The following GABRE variants were observed in gnomAD, a reference collection of about 807,000 sequenced individuals.
The protein encoded by GABRE is gamma-aminobutyric acid receptor subunit epsilon.
In GABRE, 20 loss-of-function variants were observed where a neutral mutation model predicts 31.0. That is an observed-to-expected ratio of 0.64 (90% CI 0.45 to 0.94). The LOEUF (loss-of-function observed/expected upper bound fraction) is 0.94. Ranked by LOEUF, GABRE falls within the 40% of genes least tolerant of loss-of-function variation. The pLI is 0.00. For missense variants in GABRE, 420 were observed against 410.7 expected, an observed-to-expected ratio of 1.02 and a Z score of -0.20; for synonymous variants, 155 against 150.6, an observed-to-expected ratio of 1.03 and a Z score of -0.21.
At chrX:151,957,243 G>A (rs1052148603) in intron 6 of GABRE, 1 of 224,059 alleles carries the variant, frequency 4.5e-6, no homozygotes, top group Non-Finnish European at 8.3e-6. Context: ...AGGTCTGGGT[G>A]GGCTGGAGCT....
At chrX:151,957,745 T>G in intron 6 of GABRE, 1 of 222,448 alleles carries the variant, frequency 4.5e-6, no homozygotes, top group South Asian at 5.6e-5. Context: ...ACAATATATC[T>G]GGGGCTGATG....
intron 3 of GABRE, among the ~76,000 whole-genome samples, chrX:151,963,895 C>T (rs759421359): frequency 1.8e-5 from 2 of 112,167 alleles, no homozygotes; most frequent in African/African-American, 3.2e-5. Flanking sequence ...CTTAGGCAAA[C>T]GATAAGACAA....
At chrX:151,961,920 G>A (rs954295430) in intron 4 of GABRE, among the ~76,000 whole-genome samples, 1 of 111,961 alleles carries the variant, frequency 8.9e-6, no homozygotes, top group Non-Finnish European at 1.9e-5. Flanking sequence ...AACTTCGATC[G>A]GCTTTTGTTT....
At chrX:151,957,554 A>G in intron 6 of GABRE, 1 of 302,753 alleles carries the variant, frequency 3.3e-6, no homozygotes, top group Non-Finnish European at 6.3e-6. Flanking sequence ...TATATAATAT[A>G]TTCTTGTTGC....
chrX:151,957,195 G>A, intron 6 of GABRE: 1 of 213,042 alleles, frequency 4.7e-6, no homozygotes, highest in Non-Finnish European at 8.7e-6. Context: ...ACCTGTCCGT[G>A]TGTCCTCCTA....
intron 8 of GABRE, 101 bp from the exon 9 acceptor site, chrX:151,955,185 A>G: frequency 8.5e-7 from 1 of 1,172,996 alleles, no homozygotes; most frequent in Non-Finnish European, 1.1e-6. Flanking sequence ...GGCACACCAT[A>G]TCTTGGCTTC....
At chrX:151,960,304 C>T (rs1019382718) in intron 5 of GABRE, among the ~76,000 whole-genome samples, 3 of 111,871 alleles carry the variant, frequency 2.7e-5, no homozygotes, top group African/African-American at 9.7e-5. Flanking sequence ...CACAGAACAG[C>T]GGGGAAACAA....
chrX:151,972,593 A>C lies in GABRE; in HGVS notation c.56+1977T>G. ...GCCCCAAGTTTAAAAGTGCAGAGGC[A>C]AACAAATAAACCTGAAAGCACTGAG... On this transcript the variant is annotated intron_variant, in intron 1 of 8. Transcript: ENST00000370328. 8.0e-6 allele frequency: 6 copies of C among 753,846 alleles called. No homozygotes were observed. In the South Asian group the frequency reaches 3.4e-4, roughly 42 times the overall value. The allele number at this position is 753,846 out of a possible 1,213,427, so 62.1% of individuals were successfully genotyped here.
At chrX:151,956,261 T>C in intron 6 of GABRE, 1 of 146,223 alleles carries the variant, frequency 6.8e-6, no homozygotes, top group Non-Finnish European at 1.4e-5. Flanking sequence ...CCTGCACTGC[T>C]GGCCCTCAGA....
chrX:151,966,091 A>G (rs1351977681), intron 3 of GABRE, among the ~76,000 whole-genome samples: 1 of 112,395 alleles, frequency 8.9e-6, no homozygotes, highest in African/African-American at 3.2e-5. Flanking sequence ...GCTCTATGTT[A>G]TGAAGTGTTT....
chrX:151,969,794 G>T, intron 2 of GABRE, 58 bp from the exon 3 acceptor site: 1 of 1,193,076 alleles, frequency 8.4e-7, no homozygotes. Context: ...TGGGACGGGG[G>T]AGGAAGTGGT....
In GABRE at chrX:151,954,963, C is replaced by T. The variant is rs150026321; in HGVS notation, c.1259G>A (p.Arg420His). 31 of 1,204,856 alleles carry T rather than the reference C, an allele frequency of 2.6e-5. No individual in the cohort carries two copies. In the African/African-American group the frequency reaches 4.0e-4, roughly 16 times the overall value. ...GGGCTGCTGGGCTGAGCAAGACGGG[C>T]GCTCCTCTCCATCACTTCCCTCAGT... is the stretch of plus-strand genomic sequence containing the variant. The part of the protein sequence containing the change: ...VTTEGSDGEE[R>H]PSCSAQQPPS... Residue 420 changes from arginine (R) to histidine (H), a missense_variant, in exon 9 of 9, where the codon CGC (arginine) becomes CAC (histidine). Transcript: ENST00000370328.
intron 5 of GABRE, among the ~76,000 whole-genome samples, chrX:151,960,634 G>A (rs1386896160): frequency 1.8e-5 from 2 of 111,973 alleles, no homozygotes; most frequent in Non-Finnish European, 3.8e-5. Flanking sequence ...ACCCAACCTA[G>A]GTGACCCTTC....
intron 4 of GABRE, among the ~76,000 whole-genome samples, chrX:151,961,916 G>A (rs767452898): frequency 8.9e-5 from 10 of 112,151 alleles, no homozygotes; most frequent in African/African-American, 2.9e-4. Context: ...GAGCAACTTC[G>A]ATCGGCTTTT....
At position 151,972,261 on chromosome X, in the gene GABRE, T is replaced by C. The variant is rs761434645; in HGVS notation, c.57-1859A>G. 6 of 751,636 alleles carry C rather than the reference T, an allele frequency of 8.0e-6. No individual in the cohort carries two copies. The South Asian group carries it at 2.7e-4, about 34-fold the overall frequency. 61.9% of individuals were successfully genotyped at this position (751,636 alleles called of 1,213,427 possible). Reference sequence around the variant, plus strand: ...TCATGTCTGAAGTGGCTACTTCCCATTGTGGGCGAGGGAAGAACTGGGCTT... The same window carrying C: ...TCATGTCTGAAGTGGCTACTTCCCACTGTGGGCGAGGGAAGAACTGGGCTT... On this transcript the variant is annotated intron_variant, in intron 1 of 8. Transcript: ENST00000370328.
intron 3 of GABRE, 181 bp downstream of exon 3, chrX:151,969,488 C>T (rs1482431441): frequency 8.4e-6 from 3 of 357,093 alleles, no homozygotes; most frequent in Non-Finnish European, 1.4e-5. Context: ...CTTCAAGTAG[C>T]AAGGGACTTA....
chrX:151,962,620 G>T lies in GABRE; in HGVS notation c.366C>A (p.Phe122Leu), dbSNP rs1430667310. 1 of 1,207,270 alleles carries T rather than the reference G, an allele frequency of 8.3e-7. No homozygotes were observed. Among genetic ancestry groups the T allele is most frequent in the African/African-American group, 1.8e-5 (1 of 56,962 alleles). ...GGCGTTCGTCGTACCAGGTCTGGGA[G>T]AAGATGATGTCAATGGTGTATTCCT... The part of the protein sequence containing the change: ...LDMEYTIDII[F>L]SQTWYDERLC... Residue 122 changes from phenylalanine (F) to leucine (L), a missense_variant, in exon 4 of 9, where the codon TTC becomes TTA. Transcript: ENST00000370328.
At position 151,954,846 on chromosome X, in the gene GABRE, A is replaced by G. The variant is rs1325865486; in HGVS notation, c.1376T>C (p.Met459Thr). The G allele has an allele frequency of 8.2e-7, 1 of 1,212,128 alleles. No homozygotes were observed. Among genetic ancestry groups the G allele is most frequent in the Admixed American group, 2.2e-5 (1 of 46,102 alleles). The part of the protein sequence containing the change: ...WCKRFKKYFC[M>T]VPDCEGSTWQ... ...GGTACTGCCCTCACAATCGGGGACCATGCAGAAGTACTTCTTAAAACGCTT... is the reference window on the plus strand; with the variant it reads ...GGTACTGCCCTCACAATCGGGGACCGTGCAGAAGTACTTCTTAAAACGCTT... The change falls in exon 9 of 9, where the codon ATG (methionine) becomes ACG (threonine). Residue 459 changes from methionine (M) to threonine (T), a missense_variant. By Grantham distance (81) the Met-to-Thr change is moderately conservative. Coordinates refer to ENST00000370328, the MANE Select transcript of GABRE (RefSeq NM_004961.4).
At chrX:151,966,016 C>T (rs1049762009) in intron 3 of GABRE, among the ~76,000 whole-genome samples, 2 of 112,606 alleles carry the variant, frequency 1.8e-5, no homozygotes, top group African/African-American at 6.5e-5. Context: ...CCTTCATTCC[C>T]AGGCCTCGTG....
Sources: gnomAD v4.1 joint callset for allele counts (sites outside exome capture counted in the v4.1 genomes callset) on GRCh38, gnomAD v4.1.1 for gene constraint, MANE v1.5 for transcripts, NCBI Gene and HGNC (gene_info 2026-07-23, HGNC 2026-07-21) for gene names.